PIM1: variants seen among roughly 807,000 people sequenced by gnomAD.
The protein encoded by PIM1 is serine/threonine-protein kinase pim-1.
PIM1 carries 9 observed loss-of-function variants against 34.5 expected under a neutral mutation model. The observed-to-expected ratio is 0.26, with a 90% CI of 0.16 to 0.46. The LOEUF (loss-of-function observed/expected upper bound fraction) is 0.46. Ranked by LOEUF, PIM1 falls within the 20% of genes least tolerant of loss-of-function variation. PIM1 has a pLI of 1.00. For missense variants in PIM1, 274 were observed against 410.9 expected (o/e 0.67, Z 2.88); for synonymous variants, 199 against 175.2 (o/e 1.14, Z -1.07).
chr6:37,170,681 C>T (rs1279096931), intron 1 of PIM1, 24 bp downstream of exon 1: 1 of 1,607,208 alleles, frequency 6.2e-7, no homozygotes, highest in African/African-American at 1.3e-5. Context: ...CCGCCTCCGG[C>T]CCGGGGATGC....
At chr6:37,172,790 G>A in intron 4 of PIM1, 1 of 685,174 alleles carries the variant, frequency 1.5e-6, no homozygotes, top group Admixed American at 2.0e-5. Context: ...TGGGCTAGCA[G>A]AGAGGTGGGT....
intron 4 of PIM1, among the ~76,000 whole-genome samples, chr6:37,172,295 A>T (rs1583398518): frequency 6.6e-6 from 1 of 152,178 alleles, no homozygotes; most frequent in African/African-American, 2.4e-5. Flanking sequence ...TTTTGTATTT[A>T]ACAGTTAATG....
Position 37,170,457 on chromosome 6 carries a change from C to G in PIM1, c.-119C>G, listed in dbSNP as rs1583396187. The G allele has an allele frequency of 1.3e-6, 2 of 1,552,624 alleles. No individual in the cohort carries two copies. ...GCCAGCCGCAGCCACAGCCGCAACG[C>G]CACCCGCAGCCACAGCCACAGCCAC... On this transcript the variant is annotated 5_prime_UTR_variant, in exon 1 of 6. Coordinates refer to ENST00000373509, the MANE Select transcript of PIM1 (RefSeq NM_002648.4).
chr6:37,170,721 A>G (rs1406594620), intron 1 of PIM1, 52 bp from the exon 2 acceptor site: 2 of 1,606,056 alleles, frequency 1.2e-6, no homozygotes, highest in African/African-American at 1.3e-5. Flanking sequence ...CTGGGTGGGG[A>G]GCTGGCGGCT....
chr6:37,170,792 G>A lies in PIM1; in HGVS notation c.102G>A (p.Leu34=). The A allele has an allele frequency of 6.2e-7, 1 of 1,612,836 alleles. No individual in the cohort carries two copies. The highest frequency in any genetic ancestry group is 8.5e-7 in the Non-Finnish European group (1 of 1,179,680). The stretch of plus-strand genomic sequence containing the variant: ...TCCTAGGCAAGGAGAAGGAGCCCCT[G>A]GAGTCGCAGTACCAGGTGGGCCCGC... ...KLAPGKEKEP[L]ESQYQVGPLL... The change falls in exon 2 of 6, where the codon CTG becomes CTA. Residue 34 remains leucine, a synonymous_variant. Transcript: ENST00000373509.
At chr6:37,173,231 C>T (rs1374424238) in intron 5 of PIM1, 59 bp downstream of exon 5, 30 of 1,491,900 alleles carry the variant, frequency 2.0e-5, no homozygotes, top group African/African-American at 2.8e-5. Context: ...TATTAGTCTT[C>T]ATGGGACAGT....
intron 4 of PIM1, among the ~76,000 whole-genome samples, chr6:37,171,827 G>T (rs1415394570): frequency 6.6e-6 from 1 of 152,206 alleles, no homozygotes; most frequent in Non-Finnish European, 1.5e-5. Flanking sequence ...AAGGATGGGG[G>T]CGGGGGAAGA....
Position 37,174,100 on chromosome 6 carries a change from C to T in PIM1, c.*9C>T. On this transcript the variant is annotated 3_prime_UTR_variant, in exon 6 of 6. Coordinates refer to ENST00000373509, the MANE Select transcript of PIM1 (RefSeq NM_002648.4). ...CGGGGCCCAGCAAATAGCAGCCTTT[C>T]TGGCAGGTCCTCCCCTCTCTTGTCA... The T allele has an allele frequency of 6.2e-7, 1 of 1,609,742 alleles. No individual in the cohort carries two copies. The highest frequency in any genetic ancestry group is 8.5e-7 in the Non-Finnish European group (1 of 1,177,734).
rs767141553 is a variant in PIM1 at position 37,170,897 on chromosome 6, G to A, written c.189+18G>A. ...ACTTGCCGGTGAGTGGGCGCCCCGC[G>A]GTGGGGAGGGCGCGCCGGGCGGGGG... On this transcript the variant is annotated intron_variant, in intron 2 of 5. Transcript: ENST00000373509. 2.9e-5 allele frequency: 47 copies of A among 1,611,848 alleles called. No homozygotes were observed. Among genetic ancestry groups the A allele is most frequent in the East Asian group, 8.9e-5 (4 of 44,838 alleles).
In PIM1 at chr6:37,172,908, T is replaced by C. The variant is rs2073474; in HGVS notation, c.608-88T>C. 2.1e-5 allele frequency: 22 copies of C among 1,045,662 alleles called. No homozygotes were observed. The Admixed American group carries it at 5.1e-4, about 24-fold the overall frequency. The allele number at this position is 1,045,662 out of a possible 1,614,324, so 64.8% of individuals were successfully genotyped here. On this transcript the variant is annotated intron_variant, in intron 4 of 5. Transcript: ENST00000373509. ...TGAGAGAAGGGATTTTTTTTTTTTT[T>C]AAAAGAAAGAGTTATATATACCACC...
rs778415475 is a variant in PIM1, at chr6:37,170,617, C to T, written c.42C>T (p.Ala14=). 1.2e-6 allele frequency: 2 copies of T among 1,612,944 alleles called. No individual in the cohort carries two copies. The highest frequency in any genetic ancestry group is 2.2e-5 in the South Asian group (2 of 91,062). ...TCAACTCGCTTGCCCACCTGCGCGC[C>T]GCGCCCTGCAACGACCTGCACGCCA... is the stretch of plus-strand genomic sequence containing the variant. ...SKINSLAHLR[A]APCNDLHATK... Residue 14 remains alanine, a synonymous_variant, in exon 1 of 6, where the codon GCC becomes GCT. Transcript: ENST00000373509.
Position 37,170,473 on chromosome 6 carries a change from C to G in PIM1, c.-103C>G, listed in dbSNP as rs757686873. 2.5e-6 allele frequency: 4 copies of G among 1,569,166 alleles called. No individual in the cohort carries two copies. In the African/African-American group the frequency reaches 5.4e-5, roughly 21 times the overall value. The stretch of plus-strand genomic sequence containing the variant: ...GCCGCAACGCCACCCGCAGCCACAG[C>G]CACAGCCACAGCCCCAGGCATAGCC... On this transcript the variant is annotated 5_prime_UTR_variant, in exon 1 of 6. Coordinates refer to ENST00000373509, the MANE Select transcript of PIM1 (RefSeq NM_002648.4).
At chr6:37,171,052 A>C (rs966309676) in intron 3 of PIM1, 21 bp downstream of exon 3, 1 of 1,613,450 alleles carries the variant, frequency 6.2e-7, no homozygotes, top group Non-Finnish European at 8.5e-7. Context: ...TGCAGGAGCG[A>C]CCCCCAGGAT....
intron 4 of PIM1, among the ~76,000 whole-genome samples, chr6:37,171,958 T>G (rs1456725929): frequency 6.6e-6 from 1 of 152,146 alleles, no homozygotes; most frequent in Non-Finnish European, 1.5e-5. Flanking sequence ...GGTTAAGGAA[T>G]AGGAACTATA....
In PIM1 at chr6:37,173,978, G is replaced by A. The variant is rs1181689554; in HGVS notation, c.829G>A (p.Asp277Asn). The change falls in exon 6 of 6, where the codon GAT becomes AAT. Residue 277 changes from aspartate (D) to asparagine (N), a missense_variant. By Grantham distance (23) the Asp-to-Asn change is conservative. Around this residue, in one of 2 missense-constraint regions of PIM1, gnomAD observed 168 missense variants for 299.4 expected, o/e 0.56. Coordinates refer to ENST00000373509, the MANE Select transcript of PIM1 (RefSeq NM_002648.4). ...ATGGTGCTTGGCCCTGAGACCATCA[G>A]ATAGGCCAACCTTCGAAGAAATCCA... Reference protein sequence around the residue: ...IRWCLALRPSDRPTFEEIQNH... With the variant: ...IRWCLALRPSNRPTFEEIQNH... 6.2e-7 allele frequency: 1 copy of A among 1,614,060 alleles called. No homozygotes were observed. Among genetic ancestry groups the A allele is most frequent in the Non-Finnish European group, 8.5e-7 (1 of 1,179,974 alleles).
rs930067940 is a variant in PIM1 at position 37,174,180 on chromosome 6, G to C, written c.*89G>C. On this transcript the variant is annotated 3_prime_UTR_variant, in exon 6 of 6. Transcript: ENST00000373509. ...CCAGCTTCCCGAGTACCAGTGACAC[G>C]TCTCGCCAAGCAGGACAGTGCTTGA... The C allele has an allele frequency of 1.6e-6, 2 of 1,289,236 alleles. No homozygotes were observed. Among genetic ancestry groups the C allele is most frequent in the East Asian group, 4.8e-5 (2 of 41,832 alleles). 79.9% of individuals were successfully genotyped at this position (1,289,236 alleles called of 1,614,324 possible).
intron 4 of PIM1, among the ~76,000 whole-genome samples, chr6:37,171,822 TG>T (rs1348645538): frequency 6.6e-6 from 1 of 152,172 alleles, no homozygotes; most frequent in Non-Finnish European, 1.5e-5. Flanking sequence ...AGTAAAAGGA[TG>T]GGGGCGGGGG....
At position 37,170,275 on chromosome 6, in the gene PIM1, GC is replaced by G; in HGVS notation, c.-300del. ...AGCAGCAGCAGCAGCAGCAGCAGCA[GC>G]AACCACTAGCCTCCTGCCCCGCGGC... On this transcript the variant is annotated 5_prime_UTR_variant, in exon 1 of 6. Transcript: ENST00000373509. The G allele has an allele frequency of 7.8e-7, 1 of 1,283,576 alleles. No individual in the cohort carries two copies. The highest frequency in any genetic ancestry group is 9.9e-7 in the Non-Finnish European group (1 of 1,007,740). The allele number at this position is 1,283,576 out of a possible 1,614,324, so 79.5% of individuals were successfully genotyped here.
chr6:37,172,451 T>A, intron 4 of PIM1: 1 of 385,508 alleles, frequency 2.6e-6, no homozygotes, highest in Non-Finnish European at 5.2e-6. Flanking sequence ...CAGCTCTGTC[T>A]ACCTTTCCAG....
Sources: allele counts gnomAD v4.1 joint callset (sites outside exome capture counted in the v4.1 genomes callset), GRCh38; gene constraint gnomAD v4.1.1; regional missense constraint gnomAD v4.1.1; transcripts MANE v1.5; gene names NCBI Gene and HGNC (gene_info 2026-07-23, HGNC 2026-07-21).